NDUFAF6: variants seen among roughly 807,000 people sequenced by gnomAD.
NDUFAF6 encodes NADH dehydrogenase (ubiquinone) complex I, assembly factor 6.
A neutral mutation model predicts 40.8 loss-of-function variants in NDUFAF6; 45 were observed. The observed-to-expected ratio is 1.10, with a 90% CI of 0.87 to 1.42. NDUFAF6 has a LOEUF of 1.42. Among genes scored for constraint, NDUFAF6 ranks in the 40% most tolerant of loss-of-function variants. NDUFAF6 has a pLI of 0.00. For missense variants in NDUFAF6, 435 were observed against 418.5 expected (o/e 1.04, Z -0.34); for synonymous variants, 185 against 155.9 (o/e 1.19, Z -1.39).
intron 2 of NDUFAF6, among the ~76,000 whole-genome samples, chr8:95,003,793 G>C (rs1446673768): frequency 1.3e-5 from 2 of 152,024 alleles, no homozygotes; most frequent in Non-Finnish European, 2.9e-5. Flanking sequence ...TTTTTATTGT[G>C]GTAAAATACA....
At chr8:94,911,985 A>G (rs1305115591) in intron 1 of NDUFAF6, among the ~76,000 whole-genome samples, 1 of 152,214 alleles carries the variant, frequency 6.6e-6, no homozygotes, top group Non-Finnish European at 1.5e-5. Flanking sequence ...GTGCTGCATT[A>G]TTAGAGAGAA....
At chr8:94,899,856 C>T (rs1365454245) in intron 1 of NDUFAF6, among the ~76,000 whole-genome samples, 2 of 152,168 alleles carry the variant, frequency 1.3e-5, no homozygotes, top group African/African-American at 4.8e-5. Context: ...CCTTTCTGTA[C>T]CTCCGCTTGG....
intron 1 of NDUFAF6, chr8:94,930,218 C>T (rs1033699963): frequency 1.6e-5 from 7 of 441,944 alleles, no homozygotes; most frequent in African/African-American, 1.2e-4. Flanking sequence ...TTTAAAGACA[C>T]CCCCAAACAC....
upstream of NDUFAF6, among the ~76,000 whole-genome samples, chr8:94,955,812 G>T (rs761381928): frequency 1.3e-5 from 2 of 152,152 alleles, no homozygotes; most frequent in East Asian, 3.9e-4. Flanking sequence ...GCTTGAATTT[G>T]TGCCTACCTA....
downstream of NDUFAF6, among the ~76,000 whole-genome samples, chr8:95,117,915 A>G (rs1041741881): frequency 3.3e-5 from 5 of 151,972 alleles, no homozygotes; most frequent in African/African-American, 1.2e-4. Context: ...ATGTGTTCAA[A>G]CTCCCCAAAA....
At chr8:94,982,822 T>C (rs924832737) in intron 2 of NDUFAF6, among the ~76,000 whole-genome samples, 3 of 152,276 alleles carry the variant, frequency 2.0e-5, no homozygotes, top group African/African-American at 4.8e-5. Context: ...CACCGTAATA[T>C]GGAAGGAAGA....
chr8:95,056,211 C>T (rs1349393617), intron 8 of NDUFAF6, among the ~76,000 whole-genome samples: 8 of 151,342 alleles, frequency 5.3e-5, no homozygotes, highest in African/African-American at 1.5e-4. Context: ...CTCTTTTTTT[C>T]GATCAAAGAA....
intron 2 of NDUFAF6, among the ~76,000 whole-genome samples, chr8:95,094,117 T>G (rs1258210515): frequency 2.0e-5 from 3 of 151,950 alleles, no homozygotes; most frequent in African/African-American, 7.2e-5. Context: ...ATTACAGGCA[T>G]GCACCACCAC....
intron 2 of NDUFAF6, among the ~76,000 whole-genome samples, chr8:95,010,581 G>C (rs1827187230): frequency 6.6e-6 from 1 of 152,202 alleles, no homozygotes; most frequent in Non-Finnish European, 1.5e-5. Context: ...GAAAAGGATT[G>C]TGTTCCTGAG....
intron 2 of NDUFAF6, among the ~76,000 whole-genome samples, chr8:95,090,731 A>G (rs1809221387): frequency 6.6e-6 from 1 of 152,158 alleles, no homozygotes; most frequent in Non-Finnish European, 1.5e-5. Flanking sequence ...AGAGATTAAC[A>G]TTTGAGTTGG....
At chr8:95,062,347 G>GACCTCCA (rs1832592887), downstream of NDUFAF6, among the ~76,000 whole-genome samples, 1 of 152,108 alleles carries the variant, frequency 6.6e-6, no homozygotes, top group Non-Finnish European at 1.5e-5. Context: ...TCCATGTAAA[G>GACCTCCA]TGCTTAGAAT....
chr8:95,069,572 G>A (rs917400857), intron 9 of NDUFAF6, among the ~76,000 whole-genome samples: 1 of 151,370 alleles, frequency 6.6e-6, no homozygotes, highest in African/African-American at 2.4e-5. Flanking sequence ...CTGAGGTCAG[G>A]AGTTCAAGAC....
intron 3 of NDUFAF6, chr8:95,036,539 GAAGCTC>G: frequency 7.9e-7 from 1 of 1,270,478 alleles, no homozygotes; most frequent in Admixed American, 2.5e-5. Context: ...CCCACTTCAA[GAAGCTC>G]AACCTAGGTG....
intron 2 of NDUFAF6, among the ~76,000 whole-genome samples, chr8:94,983,835 C>T (rs577469730): frequency 2.3e-4 from 35 of 152,202 alleles, no homozygotes; most frequent in Non-Finnish European, 4.0e-4. Context: ...GTGTCTGTAC[C>T]GAAGAGTCAC....
intron 2 of NDUFAF6, among the ~76,000 whole-genome samples, chr8:94,985,494 TA>T (rs1825776072): frequency 1.2e-4 from 1 of 8,468 alleles, no homozygotes; most frequent in Non-Finnish European, 3.0e-4. Flanking sequence ...TATATATATA[TA>T]TATATATATA....
At chr8:94,904,942 G>C (rs909690395) in intron 1 of NDUFAF6, among the ~76,000 whole-genome samples, 1 of 152,164 alleles carries the variant, frequency 6.6e-6, no homozygotes, top group African/African-American at 2.4e-5. Context: ...GCTCATGCCT[G>C]TAATCCCAGC....
intron 2 of NDUFAF6, among the ~76,000 whole-genome samples, chr8:95,008,379 G>C (rs1287705339): frequency 3.3e-5 from 5 of 152,200 alleles, no homozygotes; most frequent in African/African-American, 1.2e-4. Flanking sequence ...GTAAAGCCTA[G>C]CTTTTCCTTA....
intron 1 of NDUFAF6, among the ~76,000 whole-genome samples, chr8:94,959,288 A>G (rs1458377560): frequency 6.6e-6 from 1 of 152,182 alleles, no homozygotes; most frequent in African/African-American, 2.4e-5. Flanking sequence ...CCCAGGATGT[A>G]AAGGAGGAAA....
At chr8:94,932,544 C>T (rs1193713701) in intron 1 of NDUFAF6, among the ~76,000 whole-genome samples, 1 of 152,232 alleles carries the variant, frequency 6.6e-6, no homozygotes. Flanking sequence ...TGGCTCACGC[C>T]TGTAATCCCA....
Sources: allele counts gnomAD v4.1 joint callset (sites outside exome capture counted in the v4.1 genomes callset), GRCh38; gene constraint gnomAD v4.1.1; transcripts MANE v1.5; gene names NCBI Gene and HGNC (gene_info 2026-07-23, HGNC 2026-07-21).